The following SLC16A2 variants were observed in gnomAD, a reference collection of about 807,000 sequenced individuals.
The protein encoded by SLC16A2 is monocarboxylate transporter 8.
SLC16A2 carries 3 observed loss-of-function variants against 27.2 expected under a neutral mutation model. That is an observed-to-expected ratio of 0.11 (90% CI 0.05 to 0.28). SLC16A2 has a LOEUF of 0.28. SLC16A2 is among the 10% of genes least tolerant of loss of function. SLC16A2 has a pLI of 1.00. For synonymous variants in SLC16A2, 202 were observed against 187.8 expected (o/e 1.08, Z -0.62); for missense variants, 295 against 458.5 (o/e 0.64, Z 3.26).
Position 74,521,107 on chromosome X carries a change from T to C in SLC16A2, c.548T>C (p.Ile183Thr), listed in dbSNP as rs1374055898. The C allele has an allele frequency of 2.5e-6, 3 of 1,212,152 alleles. No individual in the cohort carries two copies. The highest frequency in any genetic ancestry group is 3.0e-5 in the East Asian group (1 of 33,853). Residue 183 changes from isoleucine (I) to threonine (T), a missense_variant, in exon 2 of 6, where the codon ATT becomes ACT. Coordinates refer to ENST00000587091, the MANE Select transcript of SLC16A2 (RefSeq NM_006517.5). Reference protein sequence around the residue: ...TATAGAAVAFIGLHTSSFTSS... With the variant: ...TATAGAAVAFTGLHTSSFTSS... ...ACCGCGGGGGCTGCCGTTGCTTTCATTGGCCTCCATACCAGCTCCTTCACC... is the reference window on the plus strand; with the variant it reads ...ACCGCGGGGGCTGCCGTTGCTTTCACTGGCCTCCATACCAGCTCCTTCACC...
intron 1 of SLC16A2, among the ~76,000 whole-genome samples, chrX:74,496,977 A>T (rs4019959): frequency 9.1e-6 from 1 of 110,316 alleles, no homozygotes; most frequent in East Asian, 2.9e-4. Context: ...GTGTTCCTCC[A>T]CTGATGCGCT....
At chrX:74,459,844 C>G (rs1929105227) in intron 1 of SLC16A2, among the ~76,000 whole-genome samples, 1 of 111,490 alleles carries the variant, frequency 9.0e-6, no homozygotes, top group African/African-American at 3.3e-5. Context: ...TTCAGGGTAA[C>G]TGCAAGGGCT....
At chrX:74,482,921 T>C (rs752770269) in intron 1 of SLC16A2, among the ~76,000 whole-genome samples, 1 of 111,799 alleles carries the variant, frequency 8.9e-6, no homozygotes, top group South Asian at 3.8e-4. Flanking sequence ...CCCAGGCTGG[T>C]CTTAAACTCC....
At chrX:74,422,699 C>T (rs1285172972) in intron 1 of SLC16A2, among the ~76,000 whole-genome samples, 3 of 112,347 alleles carry the variant, frequency 2.7e-5, no homozygotes, top group Non-Finnish European at 1.9e-5. Flanking sequence ...GCCGCCGTTA[C>T]GGCCCAGCTG....
At chrX:74,505,722 C>T (rs772551740) in intron 1 of SLC16A2, among the ~76,000 whole-genome samples, 1 of 112,293 alleles carries the variant, frequency 8.9e-6, no homozygotes, top group East Asian at 2.8e-4. Context: ...GACCAACCAT[C>T]CCAGGTTTCC....
At chrX:74,492,692 G>A (rs1350432812) in intron 1 of SLC16A2, among the ~76,000 whole-genome samples, 1 of 111,283 alleles carries the variant, frequency 9.0e-6, no homozygotes, top group East Asian at 2.8e-4. Context: ...TTAATTGCCA[G>A]TCTTACTCTC....
At chrX:74,489,894 T>C (rs1277421634) in intron 1 of SLC16A2, among the ~76,000 whole-genome samples, 2 of 108,311 alleles carry the variant, frequency 1.8e-5, no homozygotes, top group Non-Finnish European at 3.8e-5. Context: ...TCTGGTGTGC[T>C]AGAGGGAAAT....
chrX:74,449,700 T>C (rs552075), intron 1 of SLC16A2, among the ~76,000 whole-genome samples: 45,391 of 110,480 alleles, frequency 0.41, 7,311 homozygotes, highest in East Asian at 0.96. Context: ...GACTTCTCAG[T>C]GCATTGACTC....
At chrX:74,450,274 T>C (rs1291374503) in intron 1 of SLC16A2, among the ~76,000 whole-genome samples, 1 of 112,171 alleles carries the variant, frequency 8.9e-6, no homozygotes, top group Non-Finnish European at 1.9e-5. Context: ...GTTGAATGAA[T>C]AATGGCCGAA....
chrX:74,474,230 T>C (rs1285104003), intron 1 of SLC16A2, among the ~76,000 whole-genome samples: 1 of 111,855 alleles, frequency 8.9e-6, no homozygotes, highest in African/African-American at 3.2e-5. Flanking sequence ...ATTTAGATAT[T>C]TTTAATTTCC....
At chrX:74,516,528 G>A (rs1015457687) in intron 1 of SLC16A2, among the ~76,000 whole-genome samples, 2 of 110,987 alleles carry the variant, frequency 1.8e-5, no homozygotes, top group South Asian at 3.8e-4. Context: ...GTAACATGTC[G>A]ACACCAATGA....
chrX:74,464,107 A>C (rs1929206521), intron 1 of SLC16A2, among the ~76,000 whole-genome samples: 1 of 112,177 alleles, frequency 8.9e-6, no homozygotes, highest in Non-Finnish European at 1.9e-5. Context: ...GGTGTGTATC[A>C]ATATTTTATT....
chrX:74,427,827 A>G (rs911019475), intron 1 of SLC16A2, among the ~76,000 whole-genome samples: 1 of 109,774 alleles, frequency 9.1e-6, no homozygotes, highest in African/African-American at 3.3e-5. Flanking sequence ...ACACACACAC[A>G]CACACACACA....
chrX:74,429,596 GC>G (rs1346657800), intron 1 of SLC16A2, among the ~76,000 whole-genome samples: 2 of 111,812 alleles, frequency 1.8e-5, no homozygotes, highest in Non-Finnish European at 3.8e-5. Flanking sequence ...AACAAGCAAT[GC>G]CCATACCATC....
At chrX:74,422,699 C>A (rs1285172972) in intron 1 of SLC16A2, among the ~76,000 whole-genome samples, 1 of 112,347 alleles carries the variant, frequency 8.9e-6, no homozygotes, top group Non-Finnish European at 1.9e-5. Context: ...GCCGCCGTTA[C>A]GGCCCAGCTG....
At chrX:74,443,370 A>T (rs1345678085) in intron 1 of SLC16A2, among the ~76,000 whole-genome samples, 3 of 111,410 alleles carry the variant, frequency 2.7e-5, no homozygotes, top group Non-Finnish European at 5.7e-5. Flanking sequence ...GAGGTCAGCA[A>T]CTCTATGGTA....
At chrX:74,481,754 G>A (rs1377891553) in intron 1 of SLC16A2, among the ~76,000 whole-genome samples, 1 of 105,880 alleles carries the variant, frequency 9.4e-6, no homozygotes, top group Non-Finnish European at 1.9e-5. Context: ...TTTGGGTTTA[G>A]TCTGCTATTC....
intron 1 of SLC16A2, among the ~76,000 whole-genome samples, chrX:74,457,447 C>T (rs1236192529): frequency 9.0e-6 from 1 of 111,205 alleles, no homozygotes; most frequent in Non-Finnish European, 1.9e-5. Flanking sequence ...GGTCCCCAAA[C>T]CCTGGTATGT....
At chrX:74,504,939 G>C (rs1392980413) in intron 1 of SLC16A2, among the ~76,000 whole-genome samples, 1 of 111,782 alleles carries the variant, frequency 8.9e-6, no homozygotes, top group Admixed American at 9.5e-5. Context: ...GCAGTGAACT[G>C]TAATCATGCC....
Sources: gnomAD v4.1 joint callset for allele counts (sites outside exome capture counted in the v4.1 genomes callset) on GRCh38, gnomAD v4.1.1 for gene constraint, MANE v1.5 for transcripts, NCBI Gene and HGNC (gene_info 2026-07-23, HGNC 2026-07-21) for gene names.